SLC35D1: variants seen among roughly 807,000 people sequenced by gnomAD.
SLC35D1 encodes the protein solute carrier family 35 member D1.
A neutral mutation model predicts 46.7 loss-of-function variants in SLC35D1; 31 were observed. The ratio of observed to expected loss-of-function variants is 0.66; its 90% CI spans 0.50 to 0.90. The LOEUF (loss-of-function observed/expected upper bound fraction) is 0.90. SLC35D1 is among the 40% of genes least tolerant of loss of function. SLC35D1 has a pLI of 0.00. For synonymous variants in SLC35D1, 195 were observed against 164.6 expected, an observed-to-expected ratio of 1.18 and a Z score of -1.41; for missense variants, 397 against 426.2, an observed-to-expected ratio of 0.93 and a Z score of 0.60.
rs764416658 is a variant in SLC35D1 at position 67,047,299 on chromosome 1, T to C, written c.602A>G (p.Asn201Ser). The C allele has an allele frequency of 1.9e-6, 3 of 1,613,478 alleles. No homozygotes were observed. Among genetic ancestry groups the C allele is most frequent in the Non-Finnish European group, 2.5e-6 (3 of 1,179,884 alleles). The change falls in exon 7 of 12, where the codon AAT becomes AGT. Residue 201 changes from asparagine to serine, a missense_variant. Transcript: ENST00000235345. ...ILINDVLTAA[N>S]GAYVKQKLDS... ...TAATTTTTGTTTTACGTATGCACCATTTGCTGCTGTTAGGACATCGTTTAT... is the reference window on the plus strand; with the variant it reads ...TAATTTTTGTTTTACGTATGCACCACTTGCTGCTGTTAGGACATCGTTTAT...
chr1:67,036,884 T>C (rs1668134789), intron 8 of SLC35D1, among the ~76,000 whole-genome samples: 1 of 152,046 alleles, frequency 6.6e-6, no homozygotes, highest in African/African-American at 2.4e-5. Context: ...GTCTTCCTTT[T>C]AGTGAAGGTG....
intron 8 of SLC35D1, among the ~76,000 whole-genome samples, chr1:67,021,953 T>G (rs1439561141): frequency 6.6e-6 from 1 of 152,212 alleles, no homozygotes; most frequent in Non-Finnish European, 1.5e-5. Flanking sequence ...TTGGCTAATC[T>G]CAGTTCTTTC....
intron 11 of SLC35D1, among the ~76,000 whole-genome samples, chr1:67,006,091 C>A (rs1667442086): frequency 6.6e-6 from 1 of 152,090 alleles, no homozygotes; most frequent in Non-Finnish European, 1.5e-5. Flanking sequence ...CTCAAGCTAT[C>A]CTCCCGCCTC....
chr1:66,984,818 A>G, the SLC35D1 span: 2 of 1,613,534 alleles, frequency 1.2e-6, no homozygotes, highest in Non-Finnish European at 1.7e-6. Flanking sequence ...AGCAATGGAA[A>G]AGAAAGTCCA....
rs114304199 is a variant in SLC35D1, at chr1:67,016,544, T to A, written c.876+3825A>T. 3.1e-3 allele frequency among the ~76,000 whole-genome samples: 478 copies of A among 152,196 alleles called. 2 individuals carry two copies. The highest frequency in any genetic ancestry group is 0.026 in the South Asian group (124 of 4,826). On this transcript the variant is annotated intron_variant, in intron 10 of 11. Coordinates refer to ENST00000235345, the MANE Select transcript of SLC35D1 (RefSeq NM_015139.3). ...AGTATAAGAATTACAAGGAATTACA[T>A]TAGTAAAAGACTAATTTTTATGACT...
At chr1:66,997,762 C>A (rs1667258293), downstream of SLC35D1, among the ~76,000 whole-genome samples, 1 of 145,414 alleles carries the variant, frequency 6.9e-6, no homozygotes. Flanking sequence ...TATATATATC[C>A]TTAAATATAT....
downstream of SLC35D1, among the ~76,000 whole-genome samples, chr1:66,998,999 T>C (rs1667277876): frequency 6.6e-6 from 1 of 152,220 alleles, no homozygotes. Flanking sequence ...TACCACAATC[T>C]TTTTCTTTAA....
At position 67,004,124 on chromosome 1, in the gene SLC35D1, T is replaced by C. The variant is rs1418018118; in HGVS notation, c.*216A>G. ...GCCCAGTACCTTTTCCAGTCTGATA[T>C]AAATTAATTCAAACAACATATTTAA... is the stretch of plus-strand genomic sequence containing the variant. On this transcript the variant is annotated 3_prime_UTR_variant, in exon 12 of 12. Coordinates refer to ENST00000235345, the MANE Select transcript of SLC35D1 (RefSeq NM_015139.3). The C allele has an allele frequency of 1.9e-6, 1 of 524,350 alleles. No individual in the cohort carries two copies. Among genetic ancestry groups the C allele is most frequent in the East Asian group, 3.5e-5 (1 of 28,600 alleles). 32.5% of individuals were successfully genotyped at this position (524,350 alleles called of 1,614,324 possible).
intron 10 of SLC35D1, among the ~76,000 whole-genome samples, chr1:67,012,071 C>T (rs906022287): frequency 1.3e-5 from 2 of 152,152 alleles, no homozygotes; most frequent in African/African-American, 4.8e-5. Context: ...ATTTTTGAGT[C>T]ACGTCAGGTG....
At chr1:67,017,716 C>T (rs1667714265) in intron 10 of SLC35D1, among the ~76,000 whole-genome samples, 1 of 152,100 alleles carries the variant, frequency 6.6e-6, no homozygotes, top group South Asian at 2.1e-4. Flanking sequence ...CTTCTGTTTC[C>T]ACAAAAACAT....
intron 1 of SLC35D1, among the ~76,000 whole-genome samples, chr1:67,053,290 C>A: frequency 9.6e-6 from 1 of 103,896 alleles, no homozygotes; most frequent in East Asian, 3.7e-4. Context: ...ATTTCACACA[C>A]CTTAAAAAAA....
chr1:67,004,952 T>C (rs931813550), intron 11 of SLC35D1, among the ~76,000 whole-genome samples: 12 of 152,172 alleles, frequency 7.9e-5, no homozygotes, highest in Non-Finnish European at 2.9e-5. Context: ...AAGTTCACAG[T>C]GGGGAACTTA....
At chr1:67,021,202 C>T (rs1019775743) in intron 9 of SLC35D1, among the ~76,000 whole-genome samples, 1 of 152,224 alleles carries the variant, frequency 6.6e-6, no homozygotes, top group African/African-American at 2.4e-5. Context: ...CTGCCACCTA[C>T]AAAGTGCGCA....
the SLC35D1 span, among the ~76,000 whole-genome samples, chr1:66,975,512 C>T: frequency 2.0e-5 from 3 of 150,700 alleles, no homozygotes; most frequent in East Asian, 5.8e-4. Context: ...GGCAACAGAG[C>T]ATGACACTAT....
At chr1:67,047,526 T>C (rs1390348075) in intron 6 of SLC35D1, among the ~76,000 whole-genome samples, 159 bp from the exon 7 acceptor site, 1 of 152,242 alleles carries the variant, frequency 6.6e-6, no homozygotes, top group East Asian at 1.9e-4. Flanking sequence ...CTGGTCATAG[T>C]TTGCAATTTC....
rs565640583 is a variant in SLC35D1 at position 66,999,993 on chromosome 1, G to A, written c.*4347C>T. 2 of 152,124 alleles carry A rather than the reference G, an allele frequency of 1.3e-5. No individual in the cohort carries two copies. The highest frequency in any genetic ancestry group is 2.4e-5 in the African/African-American group (1 of 41,496). The allele number at this position is 152,124 out of a possible 1,614,324, so 9.4% of individuals were successfully genotyped here. ...AAGATAGAAAATAATTTTCCTGGCC[G>A]GACATGTGGCACACACCTGTAATCC... On this transcript the variant is annotated 3_prime_UTR_variant, in exon 12 of 12. Transcript: ENST00000235345.
intron 8 of SLC35D1, among the ~76,000 whole-genome samples, chr1:67,027,400 T>G (rs113358754): frequency 6.6e-5 from 10 of 152,100 alleles, no homozygotes; most frequent in African/African-American, 2.4e-4. Flanking sequence ...AATCTTACAT[T>G]TCTTATGTTT....
intron 10 of SLC35D1, among the ~76,000 whole-genome samples, chr1:67,016,360 T>G (rs1051332490): frequency 2.0e-5 from 3 of 152,110 alleles, no homozygotes; most frequent in African/African-American, 7.2e-5. Flanking sequence ...AAAATTTGCT[T>G]CTTCTTCGGA....
chr1:66,995,065 ACTAG>A (rs1485907119), downstream of SLC35D1, among the ~76,000 whole-genome samples: 1 of 152,022 alleles, frequency 6.6e-6, no homozygotes, highest in Non-Finnish European at 1.5e-5. Context: ...CATCATTCTC[ACTAG>A]CACAACAGCC....
Sources: allele counts gnomAD v4.1 joint callset (sites outside exome capture counted in the v4.1 genomes callset), GRCh38; gene constraint gnomAD v4.1.1; transcripts MANE v1.5; gene names NCBI Gene and HGNC (gene_info 2026-07-23, HGNC 2026-07-21).